Variants in NDUFAF6 observed in about 807,000 individuals in gnomAD.
The protein encoded by NDUFAF6 is NADH dehydrogenase (ubiquinone) complex I, assembly factor 6.
Under a neutral mutation model 40.8 loss-of-function variants are expected in NDUFAF6, and 45 were observed. That is an observed-to-expected ratio of 1.10 (90% CI 0.87 to 1.42). The LOEUF (loss-of-function observed/expected upper bound fraction) is 1.42. NDUFAF6 is among the 40% of genes most tolerant of loss of function. The pLI is 0.00. For missense variants in NDUFAF6, 435 were observed against 418.5 expected, an observed-to-expected ratio of 1.04 and a Z score of -0.34; for synonymous variants, 185 against 155.9, an observed-to-expected ratio of 1.19 and a Z score of -1.39.
intron 1 of NDUFAF6, among the ~76,000 whole-genome samples, chr8:94,963,986 TC>T (rs1823807803): frequency 6.6e-6 from 1 of 152,166 alleles, no homozygotes; most frequent in South Asian, 2.1e-4. Context: ...TCTTAGTCCT[TC>T]CTGGGGATTC....
intron 1 of NDUFAF6, chr8:94,975,986 G>A (rs941293057): frequency 6.6e-6 from 1 of 151,924 alleles, no homozygotes; most frequent in African/African-American, 2.4e-5. Flanking sequence ...AGAGGCAGGT[G>A]GATCACGAGG....
chr8:95,077,113 G>A (rs1315888255), downstream of NDUFAF6, among the ~76,000 whole-genome samples: 1 of 152,168 alleles, frequency 6.6e-6, no homozygotes, highest in Non-Finnish European at 1.5e-5. Flanking sequence ...GCCAAGGAGG[G>A]AGGCCTTCGA....
intron 7 of NDUFAF6, among the ~76,000 whole-genome samples, chr8:95,050,829 A>G (rs1312379904): frequency 2.0e-5 from 3 of 152,364 alleles, no homozygotes; most frequent in Admixed American, 2.0e-4. Context: ...GTGCCCACAC[A>G]TAACAAGTAG....
intron 2 of NDUFAF6, among the ~76,000 whole-genome samples, chr8:95,085,094 A>G (rs1808998554): frequency 6.6e-6 from 1 of 152,200 alleles, no homozygotes; most frequent in African/African-American, 2.4e-5. Flanking sequence ...GCTTTGGAGC[A>G]TGAAAGCCCA....
At chr8:95,022,914 T>A (rs1282854305), upstream of NDUFAF6, among the ~76,000 whole-genome samples, 2 of 149,942 alleles carry the variant, frequency 1.3e-5, no homozygotes, top group South Asian at 4.2e-4. Context: ...GAGTAAGTGA[T>A]GAGAGAGAGA....
intron 2 of NDUFAF6, among the ~76,000 whole-genome samples, chr8:94,991,381 C>T (rs796989620): frequency 2.0e-5 from 3 of 152,160 alleles, no homozygotes; most frequent in Non-Finnish European, 4.4e-5. Context: ...GATGCTGCAG[C>T]GTGAACTCTG....
At chr8:94,914,726 G>A (rs538886359) in intron 1 of NDUFAF6, among the ~76,000 whole-genome samples, 1 of 152,166 alleles carries the variant, frequency 6.6e-6, no homozygotes, top group South Asian at 2.1e-4. Context: ...AGACCAGCCT[G>A]GACAACATGG....
chr8:94,923,631 T>C (rs1819649851), intron 1 of NDUFAF6, among the ~76,000 whole-genome samples: 1 of 152,170 alleles, frequency 6.6e-6, no homozygotes, highest in African/African-American at 2.4e-5. Flanking sequence ...TGTTTTCTTA[T>C]ATTCCTTTCT....
In NDUFAF6 at chr8:95,054,630, T is replaced by C. The variant is rs142578058; in HGVS notation, c.873+2400T>C. Among the ~76,000 whole-genome samples, 1,121 of 152,116 alleles carry C rather than the reference T, an allele frequency of 7.4e-3. 16 individuals are homozygous for C. The highest frequency in any genetic ancestry group is 0.025 in the African/African-American group (1,057 of 41,496). ...TTATATTTTTAGTAGAGGAGGGGTT[T>C]CCCCATGTTGGCCAGGCTGGTCTCG... On this transcript the variant is annotated intron_variant, in intron 8 of 8. Transcript: ENST00000396124.
intron 1 of NDUFAF6, among the ~76,000 whole-genome samples, chr8:94,901,097 C>T (rs775221369): frequency 2.6e-5 from 4 of 152,042 alleles, no homozygotes; most frequent in African/African-American, 4.8e-5. Flanking sequence ...GAGCAGAGAA[C>T]TATGAAGAGA....
intron 1 of NDUFAF6, among the ~76,000 whole-genome samples, chr8:94,961,136 A>C (rs566396110): frequency 6.6e-6 from 1 of 152,230 alleles, no homozygotes; most frequent in Admixed American, 6.5e-5. Context: ...ACTCGGTCCC[A>C]ATTAGAAAAT....
chr8:95,088,847 G>C (rs553328452), intron 2 of NDUFAF6, among the ~76,000 whole-genome samples: 1 of 151,882 alleles, frequency 6.6e-6, no homozygotes, highest in Non-Finnish European at 1.5e-5. Flanking sequence ...TGCAACCTCC[G>C]CCTCCCGGGC....
intron 1 of NDUFAF6, among the ~76,000 whole-genome samples, chr8:94,917,083 C>T (rs532372868): frequency 2.6e-4 from 37 of 142,668 alleles, no homozygotes; most frequent in Admixed American, 1.8e-3. Context: ...TGCACTCCAG[C>T]CTGGGTGACA....
At chr8:94,928,386 C>T (rs763270548) in intron 1 of NDUFAF6, 2 of 152,228 alleles carry the variant, frequency 1.3e-5, no homozygotes, top group Admixed American at 6.5e-5. Flanking sequence ...GTTTTACATC[C>T]TGAAGACATT....
rs746582285 is a variant in NDUFAF6, at chr8:95,057,894, T to A, written c.959T>A (p.Leu320His). The A allele has an allele frequency of 1.3e-6, 2 of 1,569,738 alleles. No individual in the cohort carries two copies. Among genetic ancestry groups the A allele is most frequent in the South Asian group, 2.2e-5 (2 of 89,968 alleles). Residue 320 changes from leucine to histidine, a missense_variant, in exon 9 of 9, where the codon CTT (leucine) becomes CAT (histidine). Coordinates refer to ENST00000396124, the MANE Select transcript of NDUFAF6 (RefSeq NM_152416.4). The stretch of plus-strand genomic sequence containing the variant: ...TCTTTACAGCAGAAGAATACATTAC[T>A]TCCATTATATTTGTATATTCAGTCA... The part of the protein sequence containing the change: ...HPSLQQKNTL[L>H]PLYLYIQSWR...
At chr8:95,057,091 G>A (rs1305767799) in intron 8 of NDUFAF6, among the ~76,000 whole-genome samples, 1 of 152,190 alleles carries the variant, frequency 6.6e-6, no homozygotes, top group African/African-American at 2.4e-5. Flanking sequence ...TCTAGGGGGC[G>A]CTGCTTATGT....
chr8:94,958,853 CAT>C (rs1823313135), intron 1 of NDUFAF6, among the ~76,000 whole-genome samples: 1 of 152,102 alleles, frequency 6.6e-6, no homozygotes, highest in Non-Finnish European at 1.5e-5. Context: ...AGGGCTTCAA[CAT>C]ATGAATTTGC....
At chr8:95,040,071 A>G (rs186859027) in intron 3 of NDUFAF6, among the ~76,000 whole-genome samples, 47 of 152,318 alleles carry the variant, frequency 3.1e-4, no homozygotes, top group African/African-American at 1.1e-3. Flanking sequence ...ATCTTGGGTC[A>G]TGTACTTAAT....
At chr8:95,081,402 T>G (rs1051697716) in intron 2 of NDUFAF6, among the ~76,000 whole-genome samples, 9 of 151,950 alleles carry the variant, frequency 5.9e-5, no homozygotes, top group Non-Finnish European at 1.2e-4. Flanking sequence ...AGTCCTGACC[T>G]CAGGTGATCT....
Sources: allele counts gnomAD v4.1 joint callset (sites outside exome capture counted in the v4.1 genomes callset), GRCh38; gene constraint gnomAD v4.1.1; transcripts MANE v1.5; gene names NCBI Gene and HGNC (gene_info 2026-07-23, HGNC 2026-07-21).